Variants in TDRD7 observed in about 807,000 individuals in gnomAD.
The protein encoded by TDRD7 is tudor domain containing 7.
Under a neutral mutation model 109.8 loss-of-function variants are expected in TDRD7, and 47 were observed. The ratio of observed to expected loss-of-function variants is 0.43; its 90% CI spans 0.34 to 0.55. The LOEUF is 0.55. Ranked by LOEUF, TDRD7 falls within the 20% of genes least tolerant of loss-of-function variation. The pLI is 0.03. For missense variants in TDRD7, 1,164 were observed against 1,319.2 expected (o/e 0.88, Z 1.82); for synonymous variants, 424 against 457.3 (o/e 0.93, Z 0.93).
intron 16 of TDRD7, 34 bp from the exon 17 acceptor site, chr9:97,495,629 T>A (rs1249159606): frequency 6.3e-7 from 1 of 1,592,988 alleles, no homozygotes; most frequent in Non-Finnish European, 8.6e-7. Flanking sequence ...CTTTGACTCC[T>A]CACTGCTCCC....
chr9:97,438,347 T>C (rs955127384), intron 4 of TDRD7, among the ~76,000 whole-genome samples: 2 of 152,240 alleles, frequency 1.3e-5, no homozygotes, highest in Admixed American at 1.3e-4. Flanking sequence ...ATTTTTAGAC[T>C]GTTCCATACT....
In TDRD7 at chr9:97,431,074, G is replaced by A. The variant is rs1369825755; in HGVS notation, c.349G>A (p.Gly117Arg). The A allele has an allele frequency of 6.2e-7, 1 of 1,613,646 alleles. No individual in the cohort carries two copies. Among genetic ancestry groups the A allele is most frequent in the Non-Finnish European group, 8.5e-7 (1 of 1,179,770 alleles). ...VKKTMPFFLE[G>R]KPKATLRQPG... ...GAAAACCATGCCATTTTTTCTAGAA[G>A]GTAGGAGCTTTTTACATGCTAAAAT... is the stretch of plus-strand genomic sequence containing the variant. Residue 117 changes from glycine to arginine, a missense_variant and splice_region_variant, in exon 3 of 17, where the codon GGA becomes AGA. This residue lies in a region of TDRD7 where 101 missense variants were observed against 148.5 expected (regional missense o/e 0.68). Coordinates refer to ENST00000355295, the MANE Select transcript of TDRD7 (RefSeq NM_014290.3).
At chr9:97,487,122 G>A (rs1829223724) in intron 15 of TDRD7, 50 bp from the exon 16 acceptor site, 2 of 1,581,636 alleles carry the variant, frequency 1.3e-6, no homozygotes, top group African/African-American at 1.3e-5. Flanking sequence ...CTTAAAGCAG[G>A]TACTGAGTTT....
chr9:97,482,810 A>T, intron 14 of TDRD7, 39 bp from the exon 15 acceptor site: 1 of 1,608,728 alleles, frequency 6.2e-7, no homozygotes, highest in Non-Finnish European at 8.5e-7. Flanking sequence ...ATTTAATGTG[A>T]ACTTGTATTT....
At chr9:97,427,576 A>G (rs994891273) in intron 1 of TDRD7, among the ~76,000 whole-genome samples, 4 of 152,150 alleles carry the variant, frequency 2.6e-5, no homozygotes, top group African/African-American at 7.2e-5. Flanking sequence ...AAGCATTCCA[A>G]CTTCTCCGTG....
At chr9:97,424,814 C>A (rs569002877) in intron 1 of TDRD7, among the ~76,000 whole-genome samples, 3 of 152,062 alleles carry the variant, frequency 2.0e-5, no homozygotes, top group Admixed American at 6.5e-5. Context: ...TTTAAACCTG[C>A]CATTTTGCTG....
chr9:97,436,458 A>G (rs1828199888), intron 4 of TDRD7, among the ~76,000 whole-genome samples: 1 of 152,154 alleles, frequency 6.6e-6, no homozygotes, highest in Admixed American at 6.5e-5. Context: ...TCCTTCTAAC[A>G]TATAAAAGTG....
chr9:97,452,813 C>A (rs1056053808), intron 6 of TDRD7, among the ~76,000 whole-genome samples: 2 of 152,230 alleles, frequency 1.3e-5, no homozygotes, highest in Non-Finnish European at 2.9e-5. Flanking sequence ...TGGACCAACT[C>A]AAGTGGACAT....
chr9:97,414,346 A>C (rs1284719462), intron 1 of TDRD7, among the ~76,000 whole-genome samples: 1 of 152,388 alleles, frequency 6.6e-6, no homozygotes, highest in East Asian at 1.9e-4. Flanking sequence ...TGTGACTTCA[A>C]AGTAAGCTTG....
Position 97,465,137 on chromosome 9 carries a change from AAATG to A in TDRD7, c.1629+110_1629+113del, listed in dbSNP as rs1828800574. 3 of 1,372,762 alleles carry A rather than the reference AAATG, an allele frequency of 2.2e-6. No homozygotes were observed. The African/African-American group carries it at 4.4e-5, about 20-fold the overall frequency. 85.0% of individuals were successfully genotyped at this position (1,372,762 alleles called of 1,614,324 possible). ...AATTTAAATGTTGTATCCTATAATT[AAATG>A]TAGTTTTCAATGGAAGTTGAAAAGA... On this transcript the variant is annotated intron_variant, in intron 8 of 16. Transcript: ENST00000355295.
intron 1 of TDRD7, among the ~76,000 whole-genome samples, chr9:97,424,340 G>C (rs2118251512): frequency 6.6e-6 from 1 of 152,182 alleles, no homozygotes; most frequent in East Asian, 1.9e-4. Context: ...ACAGGTGTGA[G>C]CCACCACACC....
rs533418778 is a variant in TDRD7 at position 97,443,925 on chromosome 9, C to T, written c.855+2050C>T. Among the ~76,000 whole-genome samples, 45 of 152,114 alleles carry T rather than the reference C, an allele frequency of 3.0e-4. No individual in the cohort carries two copies. The East Asian group carries it at 8.1e-3, about 27-fold the overall frequency. ...CACTGGTTCTTAATGTAATGTGTTT[C>T]TAGTTTTTTTATATTCCATGATAAT... On this transcript the variant is annotated intron_variant, in intron 6 of 16. Coordinates refer to ENST00000355295, the MANE Select transcript of TDRD7 (RefSeq NM_014290.3).
Position 97,441,727 on chromosome 9 carries a change from A to G in TDRD7, c.707A>G (p.Glu236Gly), listed in dbSNP as rs985824940. The G allele has an allele frequency of 6.2e-7, 1 of 1,613,802 alleles. No homozygotes were observed. The highest frequency in any genetic ancestry group is 1.3e-5 in the African/African-American group (1 of 75,038). Residue 236 changes from glutamate to glycine, a missense_variant, in exon 6 of 17, where the codon GAG becomes GGG. Glu to Gly is a moderately conservative substitution (Grantham distance 98). Around this residue, in one of 5 missense-constraint regions of TDRD7, gnomAD observed 407 missense variants for 394.0 expected, o/e 1.03. Coordinates refer to ENST00000355295, the MANE Select transcript of TDRD7 (RefSeq NM_014290.3). ...PPASYTYKMDEVQNRIKEILN... is the reference protein window; with the variant it reads ...PPASYTYKMDGVQNRIKEILN... Reference sequence around the variant, plus strand: ...GCCTCTTACACTTATAAAATGGATGAGGTTCAAAATCGCATAAAGGAAATA... The same window carrying G: ...GCCTCTTACACTTATAAAATGGATGGGGTTCAAAATCGCATAAAGGAAATA...
chr9:97,425,972 A>G (rs1704865782), intron 1 of TDRD7, among the ~76,000 whole-genome samples: 1 of 152,206 alleles, frequency 6.6e-6, no homozygotes, highest in Non-Finnish European at 1.5e-5. Context: ...ATTAACATTC[A>G]GATAAAGAGG....
intron 1 of TDRD7, among the ~76,000 whole-genome samples, chr9:97,422,287 T>C (rs903428643): frequency 6.6e-6 from 1 of 152,088 alleles, no homozygotes; most frequent in African/African-American, 2.4e-5. Context: ...CCCAGCCAAC[T>C]TGGGAGGCTG....
At chr9:97,421,687 A>G (rs1261461539) in intron 1 of TDRD7, among the ~76,000 whole-genome samples, 2 of 148,378 alleles carry the variant, frequency 1.3e-5, no homozygotes, top group Non-Finnish European at 3.0e-5. Flanking sequence ...ACGTGCGACT[A>G]TGCCCAGCTT....
At chr9:97,494,567 G>C (rs922918814) in intron 16 of TDRD7, among the ~76,000 whole-genome samples, 1 of 151,972 alleles carries the variant, frequency 6.6e-6, no homozygotes, top group East Asian at 1.9e-4. Flanking sequence ...TTGCTATATA[G>C]ATAGCAAGTC....
intron 6 of TDRD7, among the ~76,000 whole-genome samples, chr9:97,458,446 G>A (rs1199664496): frequency 2.0e-5 from 3 of 152,062 alleles, no homozygotes; most frequent in African/African-American, 7.2e-5. Flanking sequence ...TTAAAACATG[G>A]GTCTCTAGAG....
chr9:97,429,451 G>A lies in TDRD7; in HGVS notation c.207+779G>A, dbSNP rs117176875. On this transcript the variant is annotated intron_variant, in intron 2 of 16. Coordinates refer to ENST00000355295, the MANE Select transcript of TDRD7 (RefSeq NM_014290.3). ...GGTATGTTTCTACATGTGTAAATAT[G>A]TGGATCAGGTCTGGAGTGTTTCTCA... Among the ~76,000 whole-genome samples, 3 of 152,130 alleles carry A rather than the reference G, an allele frequency of 2.0e-5. No individual in the cohort carries two copies. In the East Asian group the frequency reaches 5.8e-4, roughly 29 times the overall value.
Sources: allele counts gnomAD v4.1 joint callset (sites outside exome capture counted in the v4.1 genomes callset), GRCh38; gene constraint gnomAD v4.1.1; regional missense constraint gnomAD v4.1.1; transcripts MANE v1.5; gene names NCBI Gene and HGNC (gene_info 2026-07-23, HGNC 2026-07-21).